The following ANKRD12 variants were observed in gnomAD, a reference collection of about 807,000 sequenced individuals.
ANKRD12 encodes ankyrin repeat domain-containing protein 12.
ANKRD12 carries 85 observed loss-of-function variants against 183.4 expected under a neutral mutation model. The ratio of observed to expected loss-of-function variants is 0.46; its 90% CI spans 0.39 to 0.56. The LOEUF is 0.56. ANKRD12 is among the 20% of genes least tolerant of loss of function. The pLI, the probability that ANKRD12 is intolerant of heterozygous loss-of-function variation, is 0.00. For synonymous variants in ANKRD12, 914 were observed against 800.2 expected, an observed-to-expected ratio of 1.14 and a Z score of -2.40; for missense variants, 2,405 against 2,357.1, an observed-to-expected ratio of 1.02 and a Z score of -0.42.
chr18:9,170,853 T>C (rs2032638211), intron 1 of ANKRD12, among the ~76,000 whole-genome samples: 1 of 152,190 alleles, frequency 6.6e-6, no homozygotes, highest in Non-Finnish European at 1.5e-5. Flanking sequence ...CCTTTGGTCT[T>C]TGATGATGGT....
chr18:9,159,223 AT>A (rs1287086633), intron 1 of ANKRD12, among the ~76,000 whole-genome samples: 4 of 152,000 alleles, frequency 2.6e-5, no homozygotes, highest in African/African-American at 9.7e-5. Flanking sequence ...TAGTAAGGAA[AT>A]ATATGTGTAT....
chr18:9,188,869 C>T (rs904888754), intron 2 of ANKRD12, among the ~76,000 whole-genome samples: 2 of 152,344 alleles, frequency 1.3e-5, no homozygotes, highest in East Asian at 1.9e-4. Context: ...CTCCCAACTC[C>T]GCCCCTCCTT....
At chr18:9,265,552 C>T (rs1441317819) in intron 10 of ANKRD12, among the ~76,000 whole-genome samples, 1 of 152,196 alleles carries the variant, frequency 6.6e-6, no homozygotes, top group African/African-American at 2.4e-5. Context: ...AACAGACCTG[C>T]AGGTGAGGAT....
At chr18:9,222,424 A>G (rs970916822) in intron 8 of ANKRD12, among the ~76,000 whole-genome samples, 2 of 149,956 alleles carry the variant, frequency 1.3e-5, no homozygotes, top group Admixed American at 1.3e-4. Flanking sequence ...TGTGATTTAG[A>G]TGGTTGAATT....
At chr18:9,251,111 T>A (rs1379269852) in intron 8 of ANKRD12, among the ~76,000 whole-genome samples, 1 of 152,222 alleles carries the variant, frequency 6.6e-6, no homozygotes, top group Non-Finnish European at 1.5e-5. Flanking sequence ...TGTTTTAAAA[T>A]CATCTCATTA....
intron 8 of ANKRD12, among the ~76,000 whole-genome samples, chr18:9,227,508 A>G (rs2036789376): frequency 6.6e-6 from 1 of 152,214 alleles, no homozygotes; most frequent in Non-Finnish European, 1.5e-5. Flanking sequence ...CAGGGAAGCT[A>G]TCAAAGACTA....
intron 10 of ANKRD12, among the ~76,000 whole-genome samples, chr18:9,265,712 G>T (rs774119228): frequency 6.6e-6 from 1 of 152,146 alleles, no homozygotes; most frequent in Non-Finnish European, 1.5e-5. Flanking sequence ...AAATCAGAGC[G>T]CCTCTCCTCC....
At chr18:9,173,628 A>AGGGGGGGGGGGGG (rs775694472) in intron 1 of ANKRD12, among the ~76,000 whole-genome samples, 1 of 51,254 alleles carries the variant, frequency 2.0e-5, no homozygotes, top group African/African-American at 7.3e-5. Flanking sequence ...GGGGGGGGGT[A>AGGGGGGGGGGGGG]GGGGGGGCAG....
chr18:9,227,694 C>G (rs1236093317), intron 8 of ANKRD12, among the ~76,000 whole-genome samples: 1 of 152,076 alleles, frequency 6.6e-6, no homozygotes, highest in East Asian at 1.9e-4. Context: ...ACTATATAAT[C>G]ATTTGCATAT....
At chr18:9,196,647 G>T (rs1469923478) in intron 3 of ANKRD12, among the ~76,000 whole-genome samples, 1 of 152,152 alleles carries the variant, frequency 6.6e-6, no homozygotes. Context: ...CATAGCTTTA[G>T]AAAATCATGT....
At chr18:9,234,575 G>A (rs2037236770) in intron 8 of ANKRD12, among the ~76,000 whole-genome samples, 1 of 152,154 alleles carries the variant, frequency 6.6e-6, no homozygotes. Context: ...CCAACACTGT[G>A]CCACTATAGT....
At chr18:9,198,129 T>C (rs2034951958) in intron 3 of ANKRD12, among the ~76,000 whole-genome samples, 1 of 152,216 alleles carries the variant, frequency 6.6e-6, no homozygotes, top group South Asian at 2.1e-4. Context: ...ATCTTTTTTA[T>C]GTAGTATTCT....
At chr18:9,232,186 C>G (rs1461709843) in intron 8 of ANKRD12, among the ~76,000 whole-genome samples, 1 of 152,076 alleles carries the variant, frequency 6.6e-6, no homozygotes, top group Non-Finnish European at 1.5e-5. Flanking sequence ...ATTATTTTCT[C>G]TTTCTCATTT....
chr18:9,272,501 G>T (rs1187643976), intron 10 of ANKRD12, among the ~76,000 whole-genome samples: 1 of 152,016 alleles, frequency 6.6e-6, no homozygotes, highest in Non-Finnish European at 1.5e-5. Flanking sequence ...GGCGGAGGTT[G>T]CAGTGAGCTG....
chr18:9,188,314 AAGG>A (rs1372459327), intron 2 of ANKRD12, among the ~76,000 whole-genome samples: 1 of 152,184 alleles, frequency 6.6e-6, no homozygotes, highest in Non-Finnish European at 1.5e-5. Context: ...TTTTCCCTAG[AAGG>A]AGACATTATT....
intron 1 of ANKRD12, among the ~76,000 whole-genome samples, chr18:9,167,927 AG>A (rs564181742): frequency 0.01 from 1,574 of 152,278 alleles, 22 homozygotes; most frequent in African/African-American, 0.036. Flanking sequence ...TTTAGCATGA[AG>A]GGTTGTTGAA....
intron 8 of ANKRD12, among the ~76,000 whole-genome samples, chr18:9,253,398 AT>A (rs2038413815): frequency 1.3e-5 from 2 of 152,018 alleles, no homozygotes; most frequent in South Asian, 2.1e-4. Context: ...CATGAGTTTA[AT>A]TTTTTGCTCC....
chr18:9,203,443 A>C (rs763243749), intron 3 of ANKRD12, among the ~76,000 whole-genome samples: 1 of 152,176 alleles, frequency 6.6e-6, no homozygotes, highest in Non-Finnish European at 1.5e-5. Context: ...GAACACAATA[A>C]TATTGTGAGT....
At chr18:9,166,228 A>G (rs1396427521) in intron 1 of ANKRD12, among the ~76,000 whole-genome samples, 1 of 152,198 alleles carries the variant, frequency 6.6e-6, no homozygotes, top group Non-Finnish European at 1.5e-5. Context: ...TCCTTTGGGT[A>G]TATACCCAGT....
Sources: gnomAD v4.1 joint callset for allele counts (sites outside exome capture counted in the v4.1 genomes callset) on GRCh38, gnomAD v4.1.1 for gene constraint, MANE v1.5 for transcripts, NCBI Gene and HGNC (gene_info 2026-07-23, HGNC 2026-07-21) for gene names.